The following ZNF217 variants were observed in gnomAD, a reference collection of about 807,000 sequenced individuals.
The protein encoded by ZNF217 is zinc finger protein 217.
A neutral mutation model predicts 73.3 loss-of-function variants in ZNF217; 12 were observed. The ratio of observed to expected loss-of-function variants is 0.16; its 90% confidence interval spans 0.10 to 0.27. ZNF217 has a LOEUF of 0.27. Among genes scored for constraint, ZNF217 ranks in the 10% least tolerant of loss-of-function variants. ZNF217 has a pLI of 1.00. For synonymous variants in ZNF217, 588 were observed against 516.4 expected (o/e 1.14, Z -1.88); for missense variants, 1,195 against 1,327.8 (o/e 0.90, Z 1.55).
chr20:53,574,452 C>G (rs1310566412), intron 4 of ZNF217: 1 of 152,240 alleles, frequency 6.6e-6, no homozygotes, highest in African/African-American at 2.4e-5. Context: ...AACATGGTTT[C>G]TGCTCTTAAG....
chr20:53,591,815 T>A (rs1298643448), intron 1 of ZNF217, among the ~76,000 whole-genome samples: 3 of 152,208 alleles, frequency 2.0e-5, no homozygotes, highest in Non-Finnish European at 4.4e-5. Flanking sequence ...CATCTATTAC[T>A]CGTTGTCTAA....
At position 53,581,512 on chromosome 20, in the gene ZNF217, C is replaced by G. The variant is rs758589468; in HGVS notation, c.1315G>C (p.Gly439Arg). Residue 439 changes from glycine to arginine, a missense_variant, in exon 2 of 6, where the codon GGT becomes CGT. This residue lies in a region of ZNF217 where 116 missense variants were observed against 121.9 expected (regional missense o/e 0.95). Transcript: ENST00000371471. The surrounding 1 kb of genome is among the most constrained non-coding windows in gnomAD (Gnocchi z 4.9). ...DENGAVDRGE[G>R]GSEDGSEDGL... ...TCCTCAGATCCGTCTTCAGAACCAC[C>G]TTCCCCTCGATCCACGGCTCCATTT... 3 of 1,614,042 alleles carry G rather than the reference C, an allele frequency of 1.9e-6. No individual in the cohort carries two copies. Among genetic ancestry groups the G allele is most frequent in the South Asian group, 2.2e-5 (2 of 91,080 alleles).
chr20:53,593,025 G>A (rs1336948488), intron 1 of ZNF217, among the ~76,000 whole-genome samples: 4 of 151,878 alleles, frequency 2.6e-5, no homozygotes, highest in Admixed American at 6.5e-5. Flanking sequence ...TTTAAAATTA[G>A]AGGAGGGAAA....
intron 1 of ZNF217, among the ~76,000 whole-genome samples, 168 bp from the exon 2 acceptor site, chr20:53,583,336 A>G (rs1988579302): frequency 6.6e-6 from 1 of 152,342 alleles, no homozygotes; most frequent in Middle Eastern, 3.4e-3. Context: ...TAATTAAATC[A>G]TTGGCATTTT....
chr20:53,569,122 A>G lies in ZNF217; in HGVS notation c.*166T>C, dbSNP rs1257913825. ...AAAAGTTAACAGAACAACTTTACACAACTGTAGTGTTCCTTGCAGATTCCT... is the reference window on the plus strand; with the variant it reads ...AAAAGTTAACAGAACAACTTTACACGACTGTAGTGTTCCTTGCAGATTCCT... On this transcript the variant is annotated 3_prime_UTR_variant, in exon 6 of 6. Coordinates refer to ENST00000371471, the MANE Select transcript of ZNF217 (RefSeq NM_006526.3). 7.5e-7 allele frequency: 1 copy of G among 1,327,114 alleles called. No homozygotes were observed. The allele number at this position is 1,327,114 out of a possible 1,614,324, so 82.2% of individuals were successfully genotyped here.
At position 53,578,440 on chromosome 20, in the gene ZNF217, A is replaced by G. The variant is rs942423264; in HGVS notation, c.1377T>C (p.Asp459=). Residue 459 remains aspartate (D), a synonymous_variant, in exon 3 of 6, where the codon GAT becomes GAC. Coordinates refer to ENST00000371471, the MANE Select transcript of ZNF217 (RefSeq NM_006526.3). The part of the protein sequence containing the change: ...LPEGIHLDKN[D]DGGKIKHLTS... ...TAAGATGTTTTATTTTTCCTCCATC[A>G]TCATTTTTATCTTAAAGGAAAAACA... 1 of 1,562,158 alleles carries G rather than the reference A, an allele frequency of 6.4e-7. No individual in the cohort carries two copies. The highest frequency in any genetic ancestry group is 1.4e-5 in the African/African-American group (1 of 72,120).
In ZNF217 at chr20:53,571,846, C is replaced by T; in HGVS notation, c.3045G>A (p.Arg1015=). 6.3e-7 allele frequency: 1 copy of T among 1,591,338 alleles called. No homozygotes were observed. Among genetic ancestry groups the T allele is most frequent in the Non-Finnish European group, 8.5e-7 (1 of 1,173,346 alleles). ...TAGATAAGTGTTGATATGACACAGG[C>T]CTTTTTCCTGATTGAAAAAAAAAAC... The part of the protein sequence containing the change: ...PASSSTLEGK[R]PVSYQHLSNS... Residue 1015 remains arginine (R), a synonymous_variant, in exon 5 of 6, where the codon AGG becomes AGA. Coordinates refer to ENST00000371471, the MANE Select transcript of ZNF217 (RefSeq NM_006526.3).
intron 1 of ZNF217, among the ~76,000 whole-genome samples, chr20:53,593,164 C>CG (rs1459478287): frequency 1.3e-5 from 2 of 152,084 alleles, no homozygotes; most frequent in African/African-American, 4.8e-5. Flanking sequence ...GGGCGCGCGT[C>CG]GGGGTCCGCG....
chr20:53,583,173 A>ATAC lies in ZNF217; in HGVS notation c.-342-6_-342-5insGTA. The ATAC allele has an allele frequency of 7.3e-6, 3 of 411,248 alleles. No individual in the cohort carries two copies. Among genetic ancestry groups the ATAC allele is most frequent in the South Asian group, 9.9e-5 (1 of 10,152 alleles). The allele number at this position is 411,248 out of a possible 1,614,324, so 25.5% of individuals were successfully genotyped here. A position where few individuals can be genotyped will look rare whatever the true frequency, so the allele number is the denominator to read the frequency against. ...GAGACAAGGGATTTCCAAACCCTAG[A>ATAC]GGAAAAAAAACAGAAACGGTTAGCT... is the stretch of plus-strand genomic sequence containing the variant. On this transcript the variant is annotated splice_region_variant and splice_polypyrimidine_tract_variant and intron_variant, in intron 1 of 5. Coordinates refer to ENST00000371471, the MANE Select transcript of ZNF217 (RefSeq NM_006526.3).
rs1395058327 is a variant in ZNF217 at position 53,582,640 on chromosome 20, T to C, written c.187A>G (p.Met63Val). ...EKNVIQIEGYMPLDCMFCSQT... is the reference protein window; with the variant it reads ...EKNVIQIEGYVPLDCMFCSQT... ...CTGCAGAACATGCAATCCAAGGGCA[T>C]ATACCCCTCGATTTGGATGACATTT... is the stretch of plus-strand genomic sequence containing the variant. Residue 63 changes from methionine to valine, a missense_variant, in exon 2 of 6, where the codon ATG becomes GTG. Met to Val is a conservative substitution (Grantham distance 21). Transcript: ENST00000371471. The surrounding 1 kb of genome is among the most constrained non-coding windows in gnomAD (Gnocchi z 4.8). The C allele has an allele frequency of 1.2e-6, 2 of 1,614,200 alleles. No homozygotes were observed. The highest frequency in any genetic ancestry group is 2.2e-5 in the South Asian group (2 of 91,084).
chr20:53,573,154 GCT>G (rs376581188), intron 4 of ZNF217, among the ~76,000 whole-genome samples: 1,694 of 147,894 alleles, frequency 0.011, 31 homozygotes, highest in African/African-American at 0.04. Context: ...ATGGAGTCTC[GCT>G]CTGTCGCCCA....
chr20:53,578,995 T>C (rs1424224955), intron 2 of ZNF217, among the ~76,000 whole-genome samples: 2 of 152,208 alleles, frequency 1.3e-5, no homozygotes, highest in Non-Finnish European at 2.9e-5. Context: ...AAGTCTGGCA[T>C]TGGGCAAGCA....
intron 2 of ZNF217, among the ~76,000 whole-genome samples, chr20:53,578,915 G>A (rs768782774): frequency 3.3e-5 from 5 of 152,264 alleles, no homozygotes; most frequent in African/African-American, 9.6e-5. Flanking sequence ...AAAATAAGCC[G>A]TTTAAGGTTA....
At chr20:53,596,758 C>T (rs1353294115), upstream of ZNF217, among the ~76,000 whole-genome samples, 1 of 151,910 alleles carries the variant, frequency 6.6e-6, no homozygotes, top group Non-Finnish European at 1.5e-5. Flanking sequence ...CCTGCGTAGG[C>T]CATCTCTAAA....
chr20:53,596,918 C>A (rs979017987), upstream of ZNF217, among the ~76,000 whole-genome samples: 1 of 152,088 alleles, frequency 6.6e-6, no homozygotes, highest in Non-Finnish European at 1.5e-5. Context: ...TTTTCACAAT[C>A]ATCCAAACAG....
chr20:53,573,342 C>T (rs1325181232), intron 4 of ZNF217, among the ~76,000 whole-genome samples: 1 of 152,114 alleles, frequency 6.6e-6, no homozygotes, highest in African/African-American at 2.4e-5. Flanking sequence ...CAGGCTGTTT[C>T]CCAAAGTCCT....
upstream of ZNF217, among the ~76,000 whole-genome samples, chr20:53,596,378 T>C (rs111419522): frequency 0.13 from 20,352 of 152,230 alleles, 1,699 homozygotes; most frequent in South Asian, 0.24. Context: ...CAAAGAACCT[T>C]GTCCTGGAGT....
At position 53,576,763 on chromosome 20, in the gene ZNF217, T is replaced by G; in HGVS notation, c.2001A>C (p.Gln667His). Residue 667 changes from glutamine to histidine, a missense_variant, in exon 4 of 6, where the codon CAA (glutamine) becomes CAC (histidine). By Grantham distance (24) the Gln-to-His change is conservative. Around this residue, in one of 9 missense-constraint regions of ZNF217, gnomAD observed 649 missense variants for 642.8 expected, o/e 1.01. Transcript: ENST00000371471. ...ATCTGCAGTCAGCTGCGGTCTCCGT[T>G]TGCTTCTCTTTGGGGCTAACTTCAA... is the stretch of plus-strand genomic sequence containing the variant. ...HNLEVSPKEKQTETAADCRYR... is the reference protein window; with the variant it reads ...HNLEVSPKEKHTETAADCRYR... 1 of 1,614,162 alleles carries G rather than the reference T, an allele frequency of 6.2e-7. No homozygotes were observed. Among genetic ancestry groups the G allele is most frequent in the Non-Finnish European group, 8.5e-7 (1 of 1,180,008 alleles).
At chr20:53,593,384 G>A (rs907255360) in intron 1 of ZNF217, among the ~76,000 whole-genome samples, 16 of 152,096 alleles carry the variant, frequency 1.1e-4, no homozygotes, top group African/African-American at 3.6e-4. Flanking sequence ...TGGGCAAATT[G>A]GGAGACCCGC....
Sources: allele counts gnomAD v4.1 joint callset (sites outside exome capture counted in the v4.1 genomes callset), GRCh38; gene constraint gnomAD v4.1.1; regional missense constraint gnomAD v4.1.1; non-coding constraint Gnocchi (gnomAD v3.1); transcripts MANE v1.5; gene names NCBI Gene and HGNC (gene_info 2026-07-23, HGNC 2026-07-21).